The following CREB5 variants were observed in gnomAD, a reference collection of about 807,000 sequenced individuals.
The protein encoded by CREB5 is cyclic AMP-responsive element-binding protein 5.
CREB5 carries 19 observed loss-of-function variants against 57.1 expected under a neutral mutation model. The observed-to-expected ratio is 0.33, with a 90% confidence interval of 0.23 to 0.49. CREB5 has a LOEUF of 0.49. Ranked by LOEUF, CREB5 falls within the 20% of genes least tolerant of loss-of-function variation. The pLI is 0.99. For missense variants in CREB5, 579 were observed against 671.6 expected (o/e 0.86, Z 1.52); for synonymous variants, 238 against 238.3 (o/e 1.00, Z 0.01).
At chr7:28,796,810 T>G (rs1808068328) in intron 7 of CREB5, among the ~76,000 whole-genome samples, 1 of 152,192 alleles carries the variant, frequency 6.6e-6, no homozygotes, top group African/African-American at 2.4e-5. Context: ...TGAAGGCACA[T>G]GGCGCTAAGT....
At chr7:28,553,351 A>G (rs897575143) in intron 4 of CREB5, among the ~76,000 whole-genome samples, 2 of 152,228 alleles carry the variant, frequency 1.3e-5, no homozygotes, top group Non-Finnish European at 2.9e-5. Flanking sequence ...TCAAGAAAAT[A>G]CATTTTAAAA....
chr7:28,369,944 C>G (rs538727604), intron 1 of CREB5, among the ~76,000 whole-genome samples: 1 of 152,110 alleles, frequency 6.6e-6, no homozygotes, highest in African/African-American at 2.4e-5. Flanking sequence ...TGAATAGGGC[C>G]GTGGTTATCA....
chr7:28,609,885 G>C (rs1025976445), intron 5 of CREB5, among the ~76,000 whole-genome samples: 7 of 152,252 alleles, frequency 4.6e-5, no homozygotes, highest in African/African-American at 1.7e-4. Flanking sequence ...AGGTTAGCTA[G>C]CAGGCCACAG....
At chr7:28,412,243 G>C (rs753259170), upstream of CREB5, among the ~76,000 whole-genome samples, 6 of 152,184 alleles carry the variant, frequency 3.9e-5, no homozygotes, top group Non-Finnish European at 5.9e-5. Flanking sequence ...GTAAATCAAA[G>C]TTAGATGTAA....
intron 5 of CREB5, among the ~76,000 whole-genome samples, chr7:28,579,542 G>T (rs976558511): frequency 6.6e-6 from 1 of 152,184 alleles, no homozygotes; most frequent in East Asian, 1.9e-4. Context: ...GTAGCGACAT[G>T]ATGGAATGTG....
intron 1 of CREB5, among the ~76,000 whole-genome samples, chr7:28,384,956 C>G (rs1286768474): frequency 6.6e-6 from 1 of 152,030 alleles, no homozygotes. Flanking sequence ...ATTCCAAATT[C>G]ACTTCAACAT....
chr7:28,349,261 A>G lies in CREB5; in HGVS notation c.-25+49820A>G, dbSNP rs562602769. On this transcript the variant is annotated intron_variant, in intron 1 of 9. Coordinates refer to the CREB5 transcript ENST00000396299. ...ATAAGGAAGGTTAAAAGAAAATATC[A>G]AAGTGCACCAACGATATTTTCCAAT... Among the ~76,000 whole-genome samples, 56 of 152,346 alleles carry G rather than the reference A, an allele frequency of 3.7e-4. 3 individuals are homozygous for G. In the South Asian group the frequency reaches 5.6e-3, roughly 15 times the overall value.
At chr7:28,468,057 T>G (rs914976598) in intron 1 of CREB5, among the ~76,000 whole-genome samples, 9 of 152,080 alleles carry the variant, frequency 5.9e-5, no homozygotes, top group African/African-American at 2.2e-4. Flanking sequence ...ACAGTGTGAG[T>G]TGGTGCCCAG....
At chr7:28,389,944 T>C (rs1236578311) in intron 1 of CREB5, among the ~76,000 whole-genome samples, 2 of 152,184 alleles carry the variant, frequency 1.3e-5, no homozygotes, top group Non-Finnish European at 2.9e-5. Context: ...TTGTGTGTCT[T>C]TGAGAAAGTC....
intron 4 of CREB5, among the ~76,000 whole-genome samples, chr7:28,535,696 G>A (rs1583592244): frequency 6.6e-6 from 1 of 152,054 alleles, no homozygotes; most frequent in East Asian, 1.9e-4. Flanking sequence ...AAGGAAAAAG[G>A]AAGAGAAGTA....
At chr7:28,560,230 GA>G (rs1795025204) in intron 4 of CREB5, among the ~76,000 whole-genome samples, 1 of 152,092 alleles carries the variant, frequency 6.6e-6, no homozygotes, top group African/African-American at 2.4e-5. Flanking sequence ...AGAAGGAGAG[GA>G]AATTCTAGGC....
chr7:28,523,838 C>A (rs757208043), intron 4 of CREB5, among the ~76,000 whole-genome samples: 1 of 152,220 alleles, frequency 6.6e-6, no homozygotes, highest in African/African-American at 2.4e-5. Flanking sequence ...CAATCTTGAT[C>A]TTTCCTGAAT....
At chr7:28,819,073 G>T in intron 10 of CREB5, 43 bp from the exon 11 acceptor site, 1 of 1,577,068 alleles carries the variant, frequency 6.3e-7, no homozygotes, top group Admixed American at 1.8e-5. Context: ...ACCTATATTG[G>T]TGTGTGTGTA....
chr7:28,435,070 A>C (rs1788894016), intron 1 of CREB5, among the ~76,000 whole-genome samples: 1 of 148,434 alleles, frequency 6.7e-6, no homozygotes, highest in Non-Finnish European at 1.5e-5. Flanking sequence ...GAACACTGGA[A>C]TTATCACCTA....
intron 4 of CREB5, among the ~76,000 whole-genome samples, chr7:28,519,675 A>G (rs995932454): frequency 6.6e-6 from 1 of 152,252 alleles, no homozygotes; most frequent in Non-Finnish European, 1.5e-5. Context: ...ACCTCATTAA[A>G]GTAGTCCTTC....
At chr7:28,721,522 C>T (rs984882966) in intron 6 of CREB5, among the ~76,000 whole-genome samples, 1 of 152,134 alleles carries the variant, frequency 6.6e-6, no homozygotes, top group African/African-American at 2.4e-5. Flanking sequence ...CCCTGGAAGA[C>T]CACAGTTCCC....
chr7:28,608,327 G>A (rs1333896621), intron 5 of CREB5, among the ~76,000 whole-genome samples: 3 of 152,054 alleles, frequency 2.0e-5, no homozygotes, highest in African/African-American at 4.8e-5. Context: ...GGGGTGAGGG[G>A]TGTAATAGGT....
chr7:28,572,123 C>T (rs1795730200), intron 5 of CREB5, among the ~76,000 whole-genome samples: 2 of 152,210 alleles, frequency 1.3e-5, no homozygotes, highest in Admixed American at 1.3e-4. Flanking sequence ...CCTTGTCTCA[C>T]ATTTTCAACT....
chr7:28,442,908 A>G (rs1030575802), intron 1 of CREB5, among the ~76,000 whole-genome samples: 4 of 152,356 alleles, frequency 2.6e-5, no homozygotes, highest in South Asian at 4.1e-4. Context: ...TGTCATTCAA[A>G]TATACAGACA....
Sources: allele counts gnomAD v4.1 joint callset (sites outside exome capture counted in the v4.1 genomes callset), GRCh38; gene constraint gnomAD v4.1.1; transcripts MANE v1.5; gene names NCBI Gene and HGNC (gene_info 2026-07-23, HGNC 2026-07-21).